CERS3: variants seen among roughly 807,000 people sequenced by gnomAD.
CERS3 encodes the protein LAG1 homolog, ceramide synthase 3.
Under a neutral mutation model 50.3 loss-of-function variants are expected in CERS3, and 33 were observed. The ratio of observed to expected loss-of-function variants is 0.66; its 90% CI spans 0.50 to 0.88. The LOEUF is 0.88. Ranked by LOEUF, CERS3 falls within the 40% of genes least tolerant of loss-of-function variation. CERS3 has a pLI of 0.00. For synonymous variants in CERS3, 176 were observed against 155.2 expected (o/e 1.13, Z -0.99); for missense variants, 470 against 460.3 (o/e 1.02, Z -0.19).
chr15:100,444,870 C>T (rs1452881240), intron 11 of CERS3, among the ~76,000 whole-genome samples: 1 of 152,190 alleles, frequency 6.6e-6, no homozygotes, highest in Non-Finnish European at 1.5e-5. Flanking sequence ...GACATAATTC[C>T]TCGGTTTGGC....
At chr15:100,517,932 G>A (rs1237858274) in intron 2 of CERS3, among the ~76,000 whole-genome samples, 1 of 152,156 alleles carries the variant, frequency 6.6e-6, no homozygotes, top group Non-Finnish European at 1.5e-5. Context: ...AATATCTCTG[G>A]CCAAGGGCCA....
At chr15:100,460,147 T>C (rs1237294014) in intron 10 of CERS3, among the ~76,000 whole-genome samples, 1 of 152,254 alleles carries the variant, frequency 6.6e-6, no homozygotes, top group Non-Finnish European at 1.5e-5. Flanking sequence ...TTTGCATACA[T>C]GTTATGCTTT....
At chr15:100,489,941 T>C (rs990846149) in intron 4 of CERS3, among the ~76,000 whole-genome samples, 1 of 152,176 alleles carries the variant, frequency 6.6e-6, no homozygotes, top group East Asian at 1.9e-4. Flanking sequence ...AGGAACAAAT[T>C]AGAGCAATTG....
chr15:100,518,764 T>C (rs1472370563), intron 2 of CERS3, among the ~76,000 whole-genome samples: 1 of 152,248 alleles, frequency 6.6e-6, no homozygotes, highest in African/African-American at 2.4e-5. Context: ...CATGTGGCAA[T>C]GTGATCTTCT....
At chr15:100,524,444 A>G (rs1411071605) in intron 1 of CERS3, among the ~76,000 whole-genome samples, 1 of 152,234 alleles carries the variant, frequency 6.6e-6, no homozygotes, top group Non-Finnish European at 1.5e-5. Context: ...ACAATTAGTT[A>G]TAGTCCAGAA....
At chr15:100,483,130 A>G (rs2035364185) in intron 5 of CERS3, among the ~76,000 whole-genome samples, 1 of 152,174 alleles carries the variant, frequency 6.6e-6, no homozygotes. Context: ...CCATTCTTCA[A>G]GGTCCAACCT....
Position 100,527,685 on chromosome 15 carries a change from C to T in CERS3, c.-92+1128G>A, listed in dbSNP as rs147368929. 2.5e-3 allele frequency among the ~76,000 whole-genome samples: 376 copies of T among 152,248 alleles called. 3 individuals are homozygous for T. The highest frequency in any genetic ancestry group is 2.2e-3 in the Non-Finnish European group (153 of 68,022). ...GCCTCAATTCCTCGTCTGAAAGTGG[C>T]GTATCATGAGCCCTAAAGGGGAAAA... On this transcript the variant is annotated intron_variant, in intron 1 of 11. Coordinates refer to ENST00000679737, the MANE Select transcript of CERS3 (RefSeq NM_001378789.1).
intron 1 of CERS3, among the ~76,000 whole-genome samples, chr15:100,538,448 C>A (rs111234897): frequency 2.1e-3 from 320 of 152,384 alleles, no homozygotes; most frequent in African/African-American, 7.3e-3. Context: ...TATACATCCT[C>A]TGAAATCTAG....
chr15:100,445,122 G>A (rs540560036), intron 11 of CERS3, among the ~76,000 whole-genome samples: 20 of 150,752 alleles, frequency 1.3e-4, no homozygotes, highest in African/African-American at 3.2e-4. Context: ...GCCTGTCCTT[G>A]GAATGCTACA....
rs182911876 is a variant in CERS3, at chr15:100,468,444, C to G, written c.845+934G>C. 1.9e-3 allele frequency among the ~76,000 whole-genome samples: 296 copies of G among 152,282 alleles called. 1 individual carries two copies. Among genetic ancestry groups the G allele is most frequent in the African/African-American group, 6.8e-3 (282 of 41,580 alleles). ...CCGAATACACATGGTCTAAAGAATG[C>G]AGCTGGCTTCCAGGAAAGGGCATTG... On this transcript the variant is annotated intron_variant, in intron 10 of 11. Transcript: ENST00000679737.
At chr15:100,482,194 T>A (rs2035324520) in intron 5 of CERS3, among the ~76,000 whole-genome samples, 1 of 152,216 alleles carries the variant, frequency 6.6e-6, no homozygotes, top group South Asian at 2.1e-4. Context: ...TAGTTTCACC[T>A]AAGAGTAAAA....
At chr15:100,423,246 A>C (rs2032579026) in intron 11 of CERS3, among the ~76,000 whole-genome samples, 1 of 152,174 alleles carries the variant, frequency 6.6e-6, no homozygotes, top group South Asian at 2.1e-4. Flanking sequence ...ACTTCCATTC[A>C]ACCCAGCAAT....
At chr15:100,421,264 T>C (rs1301057058) in intron 11 of CERS3, among the ~76,000 whole-genome samples, 1 of 148,850 alleles carries the variant, frequency 6.7e-6, no homozygotes, top group African/African-American at 2.5e-5. Context: ...TGTACAAAAA[T>C]CACAAGCATT....
intron 11 of CERS3, among the ~76,000 whole-genome samples, chr15:100,421,380 T>C (rs1320887808): frequency 6.6e-6 from 1 of 151,904 alleles, no homozygotes; most frequent in Non-Finnish European, 1.5e-5. Flanking sequence ...TTACAAGGGA[T>C]GTGAAGGACC....
rs150911968 is a variant in CERS3 at position 100,434,331 on chromosome 15, CA to C, written c.999+21561del. The stretch of plus-strand genomic sequence containing the variant: ...GGGCCTGTCACATGTGCCAAGGAGA[CA>C]CCCTTTGAAGAACACAGCCCCTTTG... On this transcript the variant is annotated intron_variant, in intron 11 of 11. Transcript: ENST00000679737. Among the ~76,000 whole-genome samples the C allele has an allele frequency of 1.4e-3, 212 of 152,316 alleles. 1 individual carries two copies. The highest frequency in any genetic ancestry group is 4.9e-3 in the African/African-American group (202 of 41,564).
At chr15:100,424,180 A>T (rs1052530671) in intron 11 of CERS3, among the ~76,000 whole-genome samples, 2 of 152,034 alleles carry the variant, frequency 1.3e-5, no homozygotes, top group African/African-American at 2.4e-5. Context: ...ACCTCAGGTG[A>T]TTTGTCTGCC....
intron 1 of CERS3, among the ~76,000 whole-genome samples, chr15:100,535,743 C>T (rs4328423): frequency 0.24 from 25,268 of 105,522 alleles, 3,164 homozygotes; most frequent in Middle Eastern, 0.35. Context: ...CATATGTGCA[C>T]GGGAAGTGGG....
chr15:100,444,517 C>T (rs1383542166), intron 11 of CERS3, among the ~76,000 whole-genome samples: 7 of 152,234 alleles, frequency 4.6e-5, no homozygotes, highest in Non-Finnish European at 1.5e-5. Flanking sequence ...AATCGCCACA[C>T]ACCAGCAAAG....
rs1193121637 is a variant in CERS3, at chr15:100,402,725, C to G, written c.1140G>C (p.Gln380His). Residue 380 changes from glutamine to histidine, a missense_variant, in exon 12 of 12, where the codon CAG becomes CAC. Transcript: ENST00000679737. ...TGTAGGCTTCCAGCTAATGGCCATG[C>G]TGGCCATTGGGAATGAGGTGCCTCT... is the stretch of plus-strand genomic sequence containing the variant. Reference protein sequence around the residue: ...RAERHLIPNGQHGH With the variant: ...RAERHLIPNGHHGH 2 of 1,613,908 alleles carry G rather than the reference C, an allele frequency of 1.2e-6. No homozygotes were observed. Among genetic ancestry groups the G allele is most frequent in the Non-Finnish European group, 1.7e-6 (2 of 1,179,942 alleles).
Sources: gnomAD v4.1 joint callset for allele counts (sites outside exome capture counted in the v4.1 genomes callset) on GRCh38, gnomAD v4.1.1 for gene constraint, MANE v1.5 for transcripts, NCBI Gene and HGNC (gene_info 2026-07-23, HGNC 2026-07-21) for gene names.